Variants in PDS5A observed in about 807,000 individuals in gnomAD.
The protein encoded by PDS5A is PDS5 cohesin associated factor A, also known as sister chromatid cohesion protein PDS5 homolog A.
Under a neutral mutation model 167.1 loss-of-function variants are expected in PDS5A, and 42 were observed. The observed-to-expected ratio is 0.25, with a 90% confidence interval of 0.20 to 0.33. The LOEUF is 0.33. PDS5A is among the 10% of genes least tolerant of loss of function. The probability of loss-of-function intolerance (pLI) is 1.00; values close to 1 mark genes in which losing one functional copy is unlikely to be tolerated. For missense variants in PDS5A, 1,033 were observed against 1,605.9 expected (o/e 0.64, Z 6.10); for synonymous variants, 553 against 554.6 (o/e 1.00, Z 0.04).
At chr4:39,826,171 A>T (rs1172455662) in intron 32 of PDS5A, among the ~76,000 whole-genome samples, 1 of 146,686 alleles carries the variant, frequency 6.8e-6, no homozygotes, top group African/African-American at 2.5e-5. Flanking sequence ...AAACATCCCA[A>T]CCAAACTGGC....
chr4:39,833,191 CAAAAAAA>C (rs1166233113), intron 32 of PDS5A, among the ~76,000 whole-genome samples: 71 of 37,922 alleles, frequency 1.9e-3, no homozygotes, highest in African/African-American at 7.9e-3. Flanking sequence ...AACTCCGTCT[CAAAAAAA>C]AAAAAAAAAA....
intron 25 of PDS5A, 32 bp from the exon 26 acceptor site, chr4:39,862,365 T>C (rs1316515772): frequency 9.6e-7 from 1 of 1,041,400 alleles, no homozygotes; most frequent in Non-Finnish European, 1.4e-6. Flanking sequence ...AAACAACCTT[T>C]ATAAAATGCC....
In PDS5A at chr4:39,929,600, T is replaced by C. The variant is rs1198602923; in HGVS notation, c.139-1436A>G. On this transcript the variant is annotated intron_variant, in intron 2 of 32. Coordinates refer to ENST00000303538, the MANE Select transcript of PDS5A (RefSeq NM_001100399.2). Reference sequence around the variant, plus strand: ...ACATATATCTCCTATACATATCCTATTGGGGCGTGTGTGTGTGTGTGTGTG... The same window carrying C: ...ACATATATCTCCTATACATATCCTACTGGGGCGTGTGTGTGTGTGTGTGTG... Among the ~76,000 whole-genome samples the C allele has an allele frequency of 2.7e-5, 3 of 109,440 alleles. No homozygotes were observed. The East Asian group carries it at 8.2e-4, about 30-fold the overall frequency. The allele number at this position is 109,440 out of a possible 152,430, so 71.8% of individuals were successfully genotyped here.
intron 26 of PDS5A, among the ~76,000 whole-genome samples, chr4:39,852,065 A>C (rs1475320956): frequency 6.6e-6 from 1 of 152,208 alleles, no homozygotes; most frequent in African/African-American, 2.4e-5. Context: ...CCTTGAAGTA[A>C]CTGGAAAAAA....
intron 19 of PDS5A, among the ~76,000 whole-genome samples, chr4:39,874,823 G>C (rs769986594): frequency 6.6e-6 from 1 of 152,074 alleles, no homozygotes; most frequent in Non-Finnish European, 1.5e-5. Flanking sequence ...AAAAGGCCAA[G>C]TTGTATTAAA....
intron 2 of PDS5A, among the ~76,000 whole-genome samples, chr4:39,939,533 G>C (rs193080350): frequency 6.6e-6 from 1 of 151,954 alleles, no homozygotes; most frequent in Non-Finnish European, 1.5e-5. Context: ...AGTGGCTCAC[G>C]CCTTAATTCC....
chr4:39,915,728 T>C (rs1301734750), intron 8 of PDS5A, among the ~76,000 whole-genome samples: 7 of 152,182 alleles, frequency 4.6e-5, no homozygotes, highest in Non-Finnish European at 2.9e-5. Flanking sequence ...CACAACCTTC[T>C]AATAAGTTCA....
At chr4:39,967,057 C>G (rs482994) in intron 2 of PDS5A, among the ~76,000 whole-genome samples, 11,772 of 151,030 alleles carry the variant, frequency 0.078, 515 homozygotes, top group Middle Eastern at 0.18. Context: ...GTAATCCCAG[C>G]GCTTTGGGAG....
At chr4:39,898,560 A>C in intron 15 of PDS5A, 32 bp from the exon 16 acceptor site, 1 of 1,349,034 alleles carries the variant, frequency 7.4e-7, no homozygotes, top group Non-Finnish European at 1.0e-6. Flanking sequence ...AATATTAGAG[A>C]AGGAAAAAAA....
chr4:39,841,879 T>C, intron 31 of PDS5A, 69 bp downstream of exon 31: 1 of 820,230 alleles, frequency 1.2e-6, no homozygotes, highest in East Asian at 2.5e-5. Flanking sequence ...GCTGTAGATT[T>C]CTTATCCCTA....
chr4:39,925,248 T>C (rs1252294397), intron 5 of PDS5A, among the ~76,000 whole-genome samples: 1 of 152,176 alleles, frequency 6.6e-6, no homozygotes, highest in Non-Finnish European at 1.5e-5. Context: ...TTGAGCCTCC[T>C]GTCCAGCAAC....
At chr4:39,926,135 A>T (rs1725435631) in intron 4 of PDS5A, among the ~76,000 whole-genome samples, 1 of 152,122 alleles carries the variant, frequency 6.6e-6, no homozygotes, top group Non-Finnish European at 1.5e-5. Context: ...CTCAAACTGA[A>T]AAATACTCAA....
rs1214427074 is a variant in PDS5A, at chr4:39,977,119, G to C, written c.-41+338C>G. Among the ~76,000 whole-genome samples the C allele has an allele frequency of 1.3e-5, 2 of 152,158 alleles. No individual in the cohort carries two copies. Among genetic ancestry groups the C allele is most frequent in the Non-Finnish European group, 2.9e-5 (2 of 68,006 alleles). ...AAACGCCCTTGCCCAGCCGAGCCTCGGACCCGGGGTAGTCCCCGCCGCGCT... is the reference window on the plus strand; with the variant it reads ...AAACGCCCTTGCCCAGCCGAGCCTCCGACCCGGGGTAGTCCCCGCCGCGCT... On this transcript the variant is annotated intron_variant, in intron 1 of 32. Transcript: ENST00000303538. The surrounding 1 kb of genome is among the most constrained non-coding windows in gnomAD (Gnocchi z 4.2).
intron 9 of PDS5A, among the ~76,000 whole-genome samples, chr4:39,910,995 G>A (rs1327781306): frequency 3.3e-5 from 5 of 152,098 alleles, no homozygotes; most frequent in Admixed American, 6.6e-5. Flanking sequence ...TCAGCCGGGC[G>A]TGGAGGCATT....
At chr4:39,975,032 C>T (rs776311896) in intron 2 of PDS5A, among the ~76,000 whole-genome samples, 1 of 147,278 alleles carries the variant, frequency 6.8e-6, no homozygotes, top group African/African-American at 2.5e-5. Flanking sequence ...TGCTTGAACC[C>T]GGGAGGTGGA....
chr4:39,862,914 T>G lies in PDS5A; in HGVS notation c.2926A>C (p.Ile976Leu). 1 of 1,612,476 alleles carries G rather than the reference T, an allele frequency of 6.2e-7. No homozygotes were observed. Among genetic ancestry groups the G allele is most frequent in the Non-Finnish European group, 8.5e-7 (1 of 1,179,508 alleles). The change falls in exon 25 of 33, where the codon ATC (isoleucine) becomes CTC (leucine). Residue 976 changes from isoleucine to leucine, a missense_variant. Ile to Leu is a conservative substitution (Grantham distance 5). Around this residue, in one of 4 missense-constraint regions of PDS5A, gnomAD observed 367 missense variants for 686.7 expected, o/e 0.53. Transcript: ENST00000303538. ...TTAATGTATTCCCTGCGTATACTGA[T>G]ATTTTTCAGTAAACATTGTCGTGCG... ...AHARQCLLKNISIRREYIKQN... is the reference protein window; with the variant it reads ...AHARQCLLKNLSIRREYIKQN...
chr4:39,920,918 A>T (rs1024507037), intron 6 of PDS5A, among the ~76,000 whole-genome samples: 1 of 152,240 alleles, frequency 6.6e-6, no homozygotes, highest in South Asian at 2.1e-4. Context: ...AAGAGTCCCA[A>T]TGTACTCAAA....
Position 39,838,205 on chromosome 4 carries a change from T to C in PDS5A, c.3661A>G (p.Ile1221Val), listed in dbSNP as rs751864011. 1.9e-6 allele frequency: 3 copies of C among 1,549,516 alleles called. No homozygotes were observed. The highest frequency in any genetic ancestry group is 2.6e-6 in the Non-Finnish European group (3 of 1,152,878). Residue 1221 changes from isoleucine to valine, a missense_variant, in exon 32 of 33, where the codon ATT becomes GTT. This residue lies in a region of PDS5A where 233 missense variants were observed against 264.0 expected (regional missense o/e 0.88). Coordinates refer to ENST00000303538, the MANE Select transcript of PDS5A (RefSeq NM_001100399.2). ...KNIDPVKNKE[I>V]NSDQATQGNI... ...CCCTGGGTAGCCTGATCAGAATTAATTTCCTAAAAAAGCACAAAACAATTC... is the reference window on the plus strand; with the variant it reads ...CCCTGGGTAGCCTGATCAGAATTAACTTCCTAAAAAAGCACAAAACAATTC...
At chr4:39,932,932 C>CT (rs956411188) in intron 2 of PDS5A, 1 of 151,780 alleles carries the variant, frequency 6.6e-6, no homozygotes, top group Non-Finnish European at 1.5e-5. Flanking sequence ...CTTTGGGAGG[C>CT]TGAGGAGCGT....
Sources: allele counts gnomAD v4.1 joint callset (sites outside exome capture counted in the v4.1 genomes callset), GRCh38; gene constraint gnomAD v4.1.1; regional missense constraint gnomAD v4.1.1; non-coding constraint Gnocchi (gnomAD v3.1); transcripts MANE v1.5; gene names NCBI Gene and HGNC (gene_info 2026-07-23, HGNC 2026-07-21).